Variants in CLN6 observed in about 807,000 individuals in gnomAD.
CLN6 encodes the protein ceroid-lipofuscinosis neuronal protein 6.
A neutral mutation model predicts 33.3 loss-of-function variants in CLN6; 22 were observed. That is an observed-to-expected ratio of 0.66 (90% CI 0.47 to 0.94). The LOEUF is 0.94. Ranked by LOEUF, CLN6 falls within the 40% of genes least tolerant of loss-of-function variation. The pLI is 0.00. For synonymous variants in CLN6, 201 were observed against 174.6 expected (o/e 1.15, Z -1.19); for missense variants, 387 against 417.1 (o/e 0.93, Z 0.63).
In CLN6 at chr15:68,256,013, T is replaced by C. The variant is rs73427836; in HGVS notation, c.179+677A>G. ...TATGTTGCCCTGTCTGTTGTCCAAC[T>C]CCTCGCCCGAAGTGATCCTCCTTCT... On this transcript the variant is annotated intron_variant, in intron 1 of 6. Coordinates refer to the CLN6 transcript ENST00000538696. The surrounding 1 kb of genome is among the most constrained non-coding windows in gnomAD (Gnocchi z 4.1). Among the ~76,000 whole-genome samples the C allele has an allele frequency of 0.085, 12,970 of 152,014 alleles. 1,628 individuals are homozygous for C. Among genetic ancestry groups the C allele is most frequent in the African/African-American group, 0.27 (11,336 of 41,396 alleles).
At chr15:68,245,865 T>G (rs1892325181) in intron 1 of CLN6, among the ~76,000 whole-genome samples, 1 of 151,834 alleles carries the variant, frequency 6.6e-6, no homozygotes, top group Admixed American at 6.6e-5. Flanking sequence ...AGTGAAGAGA[T>G]GGAAAAAGAC....
At chr15:68,212,284 T>G (rs915333919) in intron 3 of CLN6, 4 of 198,102 alleles carry the variant, frequency 2.0e-5, no homozygotes, top group East Asian at 1.4e-4. Flanking sequence ...CCAGCAAACA[T>G]GAAGAAAATG....
upstream of CLN6, among the ~76,000 whole-genome samples, chr15:68,230,449 C>A (rs1005000517): frequency 6.6e-6 from 1 of 152,016 alleles, no homozygotes; most frequent in Non-Finnish European, 1.5e-5. This position sits in a 1 kb window ranked among gnomAD's most constrained non-coding sequence, Gnocchi z 4.0. Flanking sequence ...CGTGAGTCAC[C>A]GGAGCATACA....
rs1476221825 is a variant in CLN6 at position 68,210,724 on chromosome 15, G to A, written c.542+539C>T. 6.6e-6 allele frequency among the ~76,000 whole-genome samples: 1 copy of A among 152,180 alleles called. No individual in the cohort carries two copies. Among genetic ancestry groups the A allele is most frequent in the Non-Finnish European group, 1.5e-5 (1 of 68,012 alleles). On this transcript the variant is annotated intron_variant, in intron 5 of 6. Coordinates refer to ENST00000249806, the MANE Select transcript of CLN6 (RefSeq NM_017882.3). This position sits in a 1 kb window ranked among gnomAD's most constrained non-coding sequence, Gnocchi z 5.6. ...AGGTCTCCCCCGACTGAGGGACGGG[G>A]TAGGTAGGAAAAGGTGCCCCTCTGG...
intron 1 of CLN6, among the ~76,000 whole-genome samples, chr15:68,221,139 C>T (rs986115895): frequency 1.2e-4 from 18 of 152,006 alleles, no homozygotes; most frequent in African/African-American, 4.1e-4. Flanking sequence ...CTGTGAGCCA[C>T]CATGTCTGGC....
At chr15:68,233,301 G>T (rs193000412), upstream of CLN6, among the ~76,000 whole-genome samples, 1 of 151,480 alleles carries the variant, frequency 6.6e-6, no homozygotes, top group Non-Finnish European at 1.5e-5. The surrounding 1 kb of genome is among the most constrained non-coding windows in gnomAD (Gnocchi z 4.3). Context: ...AAACACCTAC[G>T]GGGGGGTGGG....
intron 1 of CLN6, among the ~76,000 whole-genome samples, chr15:68,244,475 A>C (rs1415312119): frequency 6.6e-6 from 1 of 152,194 alleles, no homozygotes; most frequent in Non-Finnish European, 1.5e-5. Context: ...CATCCTTTAA[A>C]TATGAAGGAA....
intron 1 of CLN6, among the ~76,000 whole-genome samples, chr15:68,222,032 C>A (rs1252281507): frequency 7.5e-6 from 1 of 132,826 alleles, no homozygotes; most frequent in East Asian, 2.5e-4. Context: ...GGCTGCCCAT[C>A]GTCTGGGATG....
Position 68,229,720 on chromosome 15 carries a change from G to T in CLN6, c.-136C>A, listed in dbSNP as rs1378332060. On this transcript the variant is annotated 5_prime_UTR_variant, in exon 1 of 7. Coordinates refer to ENST00000249806, the MANE Select transcript of CLN6 (RefSeq NM_017882.3). ...GCCGGCGAGAGCGCGCGGCCCTCGG[G>T]AGGAACAGGCGGGGCTGCGGACCCG... 2 of 587,744 alleles carry T rather than the reference G, an allele frequency of 3.4e-6. No individual in the cohort carries two copies. The highest frequency in any genetic ancestry group is 5.1e-6 in the Non-Finnish European group (2 of 391,018). 36.4% of individuals were successfully genotyped at this position (587,744 alleles called of 1,614,324 possible). A position where few individuals can be genotyped will look rare whatever the true frequency, so the allele number is the denominator to read the frequency against.
chr15:68,214,886 T>C (rs1460915703), intron 2 of CLN6: 1 of 205,348 alleles, frequency 4.9e-6, no homozygotes, highest in African/African-American at 2.3e-5. Context: ...TCCTGAGTGC[T>C]AGGCCCTGAT....
At chr15:68,257,148 A>G (rs1595833792), upstream of CLN6, 1 of 322,462 alleles carries the variant, frequency 3.1e-6, no homozygotes, top group Non-Finnish European at 5.6e-6. Flanking sequence ...AGCGGTGCCC[A>G]GGGGCTGGAG....
Position 68,221,333 on chromosome 15 carries a change from G to A in CLN6, c.84-2683C>T, listed in dbSNP as rs552414519. On this transcript the variant is annotated intron_variant, in intron 1 of 6. Coordinates refer to ENST00000249806, the MANE Select transcript of CLN6 (RefSeq NM_017882.3). ...TGCAACCTCCCTGCCTCGGGCTCCC[G>A]TGATTCTCCTGCCTCGGCCTGCCGA... Among the ~76,000 whole-genome samples the A allele has an allele frequency of 1.9e-4, 29 of 150,312 alleles. No individual in the cohort carries two copies. In the East Asian group the frequency reaches 4.4e-3, roughly 23 times the overall value.
chr15:68,243,587 T>C lies in CLN6; in HGVS notation c.179+13103A>G, dbSNP rs532077053. On this transcript the variant is annotated intron_variant, in intron 1 of 6. Transcript: ENST00000538696. ...CTGGCCAACATGGTGAAACCGCATCTCTACTAAAAGTACAAAAATTAGCCA... is the reference window on the plus strand; with the variant it reads ...CTGGCCAACATGGTGAAACCGCATCCCTACTAAAAGTACAAAAATTAGCCA... Among the ~76,000 whole-genome samples, 3 of 152,134 alleles carry C rather than the reference T, an allele frequency of 2.0e-5. No homozygotes were observed. In the East Asian group the frequency reaches 5.8e-4, roughly 29 times the overall value.
intron 1 of CLN6, among the ~76,000 whole-genome samples, chr15:68,226,728 G>C (rs1338664951): frequency 1.3e-5 from 2 of 152,158 alleles, no homozygotes; most frequent in Non-Finnish European, 2.9e-5. Flanking sequence ...GCCTCCCAAA[G>C]TGCTGGGATT....
At chr15:68,239,127 G>C (rs1345387492) in intron 1 of CLN6, among the ~76,000 whole-genome samples, 1 of 151,604 alleles carries the variant, frequency 6.6e-6, no homozygotes, top group Non-Finnish European at 1.5e-5. Flanking sequence ...TTCCATACCA[G>C]TAAAAAGTAA....
intron 1 of CLN6, among the ~76,000 whole-genome samples, chr15:68,237,846 C>T (rs1892236071): frequency 6.6e-6 from 1 of 152,214 alleles, no homozygotes; most frequent in South Asian, 2.1e-4. Flanking sequence ...GCCTCACAGC[C>T]TGGTGTGGTG....
chr15:68,232,824 G>A (rs1407569908), upstream of CLN6, among the ~76,000 whole-genome samples: 2 of 152,098 alleles, frequency 1.3e-5, no homozygotes, highest in South Asian at 2.1e-4. This position sits in a 1 kb window ranked among gnomAD's most constrained non-coding sequence, Gnocchi z 4.7. Flanking sequence ...GGTGGACCAC[G>A]TGAGGTCAGG....
Position 68,256,532 on chromosome 15 carries a change from C to A in CLN6, c.179+158G>T, listed in dbSNP as rs1019316751. Among the ~76,000 whole-genome samples, 1 of 152,206 alleles carries A rather than the reference C, an allele frequency of 6.6e-6. No individual in the cohort carries two copies. Among genetic ancestry groups the A allele is most frequent in the East Asian group, 1.9e-4 (1 of 5,186 alleles). ...CCAATACAATACTTGTGTTATAGCA[C>A]TCCTGTATCACAGTATTTGTTATTA... is the stretch of plus-strand genomic sequence containing the variant. On this transcript the variant is annotated intron_variant, in intron 1 of 6. Coordinates refer to the CLN6 transcript ENST00000538696. The surrounding 1 kb of genome is among the most constrained non-coding windows in gnomAD (Gnocchi z 4.1).
chr15:68,229,606 G>T lies in CLN6; in HGVS notation c.-22C>A, dbSNP rs886051448. On this transcript the variant is annotated 5_prime_UTR_variant, in exon 1 of 7. Coordinates refer to ENST00000249806, the MANE Select transcript of CLN6 (RefSeq NM_017882.3). ...CCATGGCTGCCCCGCAGGCCCCTCG[G>T]CCCTGCCTTTCCGAGGAAGAGACCG... 14 of 1,450,446 alleles carry T rather than the reference G, an allele frequency of 9.7e-6. No homozygotes were observed. In the East Asian group the frequency reaches 4.3e-4, roughly 45 times the overall value. The allele number at this position is 1,450,446 out of a possible 1,614,324, so 89.8% of individuals were successfully genotyped here. A position where few individuals can be genotyped will look rare whatever the true frequency, so the allele number is the denominator to read the frequency against.
Sources: gnomAD v4.1 joint callset for allele counts (sites outside exome capture counted in the v4.1 genomes callset) on GRCh38, gnomAD v4.1.1 for gene constraint, Gnocchi (gnomAD v3.1) non-coding constraint, MANE v1.5 for transcripts, NCBI Gene and HGNC (gene_info 2026-07-23, HGNC 2026-07-21) for gene names.